Variants in ZCCHC4 observed in about 807,000 individuals in gnomAD.
The protein encoded by ZCCHC4 is zinc finger CCHC-type containing 4.
ZCCHC4 carries 54 observed loss-of-function variants against 67.7 expected under a neutral mutation model. The ratio of observed to expected loss-of-function variants is 0.80; its 90% CI spans 0.64 to 1.00. ZCCHC4 has a LOEUF of 1.00. Ranked by LOEUF, ZCCHC4 falls within the 50% of genes least tolerant of loss-of-function variation. ZCCHC4 has a pLI of 0.00. For missense variants in ZCCHC4, 609 were observed against 617.0 expected, an observed-to-expected ratio of 0.99 and a Z score of 0.14; for synonymous variants, 198 against 213.5, an observed-to-expected ratio of 0.93 and a Z score of 0.63.
chr4:25,318,725 T>C (rs1716210196), intron 3 of ZCCHC4, among the ~76,000 whole-genome samples: 1 of 152,192 alleles, frequency 6.6e-6, no homozygotes, highest in African/African-American at 2.4e-5. Flanking sequence ...AAATTCATAT[T>C]TTATATTAAT....
chr4:25,365,538 G>T, intron 12 of ZCCHC4: 8 of 993,766 alleles, frequency 8.1e-6, no homozygotes, highest in Non-Finnish European at 9.6e-6. Context: ...ACACATGATG[G>T]CAGGAAAGGC....
chr4:25,338,259 A>C (rs1719563661), intron 5 of ZCCHC4, among the ~76,000 whole-genome samples: 1 of 152,036 alleles, frequency 6.6e-6, no homozygotes, highest in Non-Finnish European at 1.5e-5. Context: ...ACACCCAGTT[A>C]ATTTTTGTAT....
chr4:25,353,630 G>A (rs1720402616), intron 8 of ZCCHC4, among the ~76,000 whole-genome samples: 1 of 152,168 alleles, frequency 6.6e-6, no homozygotes. Context: ...TATGTCAAAT[G>A]GATAACTGAG....
chr4:25,369,869 G>A lies in ZCCHC4; in HGVS notation c.*705G>A, dbSNP rs1721078433. ...CATAAAAGTATGTTAATTTAAATAG[G>A]AAAATATTTTATGTTAAATATGAAA... On this transcript the variant is annotated 3_prime_UTR_variant, in exon 13 of 13. Coordinates refer to ENST00000302874, the MANE Select transcript of ZCCHC4 (RefSeq NM_024936.3). 6.6e-6 allele frequency: 1 copy of A among 152,102 alleles called. No homozygotes were observed. The highest frequency in any genetic ancestry group is 1.5e-5 in the Non-Finnish European group (1 of 68,024). The allele number at this position is 152,102 out of a possible 1,614,324, so 9.4% of individuals were successfully genotyped here.
At position 25,359,461 on chromosome 4, in the gene ZCCHC4, G is replaced by A. The variant is rs1720637898; in HGVS notation, c.1012-2398G>A. Among the ~76,000 whole-genome samples, 1 of 152,186 alleles carries A rather than the reference G, an allele frequency of 6.6e-6. No homozygotes were observed. Among genetic ancestry groups the A allele is most frequent in the Non-Finnish European group, 1.5e-5 (1 of 68,026 alleles). On this transcript the variant is annotated intron_variant, in intron 8 of 12. Coordinates refer to ENST00000302874, the MANE Select transcript of ZCCHC4 (RefSeq NM_024936.3). The surrounding 1 kb of genome is among the most constrained non-coding windows in gnomAD (Gnocchi z 4.9). ...GGAAAAGGAATTAGAGGCTGCTCTG[G>A]ATACAGGCCTGGGTCTGTTGTCTTG...
intron 9 of ZCCHC4, 75 bp from the exon 10 acceptor site, chr4:25,362,151 G>A (rs1401691617): frequency 6.8e-7 from 1 of 1,478,108 alleles, no homozygotes; most frequent in South Asian, 1.2e-5. Flanking sequence ...TTTGTAATGA[G>A]TGCTTTGTAA....
chr4:25,364,927 A>C, intron 11 of ZCCHC4, 95 bp from the exon 12 acceptor site: 1 of 1,524,302 alleles, frequency 6.6e-7, no homozygotes, highest in Non-Finnish European at 8.9e-7. Flanking sequence ...ACAATACTTC[A>C]AGTAAACACT....
intron 6 of ZCCHC4, among the ~76,000 whole-genome samples, chr4:25,347,648 C>T (rs1720086788): frequency 6.6e-6 from 1 of 152,210 alleles, no homozygotes; most frequent in Admixed American, 6.5e-5. Context: ...TAAGTGTCGG[C>T]TCAGTGCCTT....
chr4:25,357,411 T>A (rs1486511902), intron 8 of ZCCHC4, among the ~76,000 whole-genome samples: 1 of 152,204 alleles, frequency 6.6e-6, no homozygotes, highest in African/African-American at 2.4e-5. Flanking sequence ...CAACTGTGAG[T>A]CCGTGCCAGC....
At chr4:25,313,713 A>T (rs754939135) in intron 1 of ZCCHC4, among the ~76,000 whole-genome samples, 5 of 152,000 alleles carry the variant, frequency 3.3e-5, no homozygotes, top group Non-Finnish European at 7.4e-5. Flanking sequence ...CCGTCTACAA[A>T]AAAAGAAAAA....
chr4:25,349,721 C>A, intron 7 of ZCCHC4, 79 bp downstream of exon 7: 2 of 1,449,298 alleles, frequency 1.4e-6, no homozygotes, highest in Non-Finnish European at 1.9e-6. Flanking sequence ...CTCAGTGAAT[C>A]AGAGCAGTGA....
At position 25,333,443 on chromosome 4, in the gene ZCCHC4, G is replaced by A; in HGVS notation, c.590G>A (p.Cys197Tyr). 1 of 1,614,042 alleles carries A rather than the reference G, an allele frequency of 6.2e-7. No individual in the cohort carries two copies. The highest frequency in any genetic ancestry group is 1.3e-5 in the African/African-American group (1 of 75,050). Reference protein sequence around the residue: ...LSALGFRRVLCVGTPRLHELI... With the variant: ...LSALGFRRVLYVGTPRLHELI... ...GCCCTCGGATTCAGAAGAGTACTGT[G>A]TGTTGGAACACCAAGGTATGTCATG... Residue 197 changes from cysteine to tyrosine, a missense_variant, in exon 4 of 13, where the codon TGT becomes TAT. Transcript: ENST00000302874.
At chr4:25,356,588 A>G (rs1049054540) in intron 8 of ZCCHC4, among the ~76,000 whole-genome samples, 8 of 151,636 alleles carry the variant, frequency 5.3e-5, no homozygotes, top group African/African-American at 1.9e-4. Context: ...TCTGCTATCT[A>G]GTATATTGCA....
Position 25,345,978 on chromosome 4 carries a change from G to T in ZCCHC4, c.759+358G>T, listed in dbSNP as rs190093180. 2.1e-4 allele frequency among the ~76,000 whole-genome samples: 32 copies of T among 152,222 alleles called. No homozygotes were observed. In the East Asian group the frequency reaches 5.8e-3, roughly 28 times the overall value. On this transcript the variant is annotated intron_variant, in intron 6 of 12. Coordinates refer to ENST00000302874, the MANE Select transcript of ZCCHC4 (RefSeq NM_024936.3). Reference sequence around the variant, plus strand: ...GGAACTGGTCAGACGCCTTTCCACCGCAGGGAAGGTCCATGCTGTTCCTGC... The same window carrying T: ...GGAACTGGTCAGACGCCTTTCCACCTCAGGGAAGGTCCATGCTGTTCCTGC...
intron 3 of ZCCHC4, among the ~76,000 whole-genome samples, chr4:25,323,545 G>A (rs1173567480): frequency 6.6e-6 from 1 of 152,042 alleles, no homozygotes; most frequent in African/African-American, 2.4e-5. Flanking sequence ...TTGTATGTAG[G>A]GTGACTGTAG....
chr4:25,330,968 C>G (rs1309099062), intron 3 of ZCCHC4, among the ~76,000 whole-genome samples: 1 of 152,158 alleles, frequency 6.6e-6, no homozygotes, highest in Non-Finnish European at 1.5e-5. Flanking sequence ...TCTCAGTGTA[C>G]AGCTTTCTGC....
chr4:25,320,024 T>TG (rs1406482377), intron 3 of ZCCHC4, among the ~76,000 whole-genome samples: 2 of 152,188 alleles, frequency 1.3e-5, no homozygotes, highest in African/African-American at 4.8e-5. Context: ...TAAATTGACC[T>TG]GTTAGCTGAT....
chr4:25,332,584 G>A (rs1719240017), intron 3 of ZCCHC4, among the ~76,000 whole-genome samples: 1 of 152,044 alleles, frequency 6.6e-6, no homozygotes, highest in Non-Finnish European at 1.5e-5. Flanking sequence ...TGGATATAAG[G>A]GTGACTTGGA....
intron 12 of ZCCHC4, among the ~76,000 whole-genome samples, chr4:25,366,562 T>C (rs1474889350): frequency 6.6e-6 from 1 of 152,188 alleles, no homozygotes; most frequent in Non-Finnish European, 1.5e-5. Flanking sequence ...GTGATCTGCC[T>C]GCCTTGGCCT....
Sources: gnomAD v4.1 joint callset for allele counts (sites outside exome capture counted in the v4.1 genomes callset) on GRCh38, gnomAD v4.1.1 for gene constraint, Gnocchi (gnomAD v3.1) non-coding constraint, MANE v1.5 for transcripts, NCBI Gene and HGNC (gene_info 2026-07-23, HGNC 2026-07-21) for gene names.